The following UHRF2 variants were observed in gnomAD, a reference collection of about 807,000 sequenced individuals.
UHRF2 encodes E3 ubiquitin-protein ligase UHRF2.
A neutral mutation model predicts 96.8 loss-of-function variants in UHRF2; 23 were observed. The observed-to-expected ratio is 0.24, with a 90% CI of 0.17 to 0.34. The LOEUF (loss-of-function observed/expected upper bound fraction) is 0.34. UHRF2 is among the 10% of genes least tolerant of loss of function. The pLI is 1.00. For missense variants in UHRF2, 685 were observed against 981.5 expected, an observed-to-expected ratio of 0.70 and a Z score of 4.04; for synonymous variants, 385 against 332.6, an observed-to-expected ratio of 1.16 and a Z score of -1.72.
chr9:6,489,269 A>G (rs1407915938), intron 9 of UHRF2, among the ~76,000 whole-genome samples: 2 of 152,228 alleles, frequency 1.3e-5, no homozygotes, highest in African/African-American at 4.8e-5. Flanking sequence ...GATGAGTACT[A>G]GTCCATGGTG....
At chr9:6,453,318 G>A (rs1374328426) in intron 3 of UHRF2, among the ~76,000 whole-genome samples, 1 of 152,176 alleles carries the variant, frequency 6.6e-6, no homozygotes, top group Non-Finnish European at 1.5e-5. Context: ...GTTAATGGAG[G>A]TGGTTCTTTT....
intron 4 of UHRF2, 134 bp from the exon 5 acceptor site, chr9:6,475,257 A>T (rs957941162): frequency 1.5e-5 from 7 of 459,566 alleles, no homozygotes; most frequent in Non-Finnish European, 2.3e-5. Context: ...ATAGTTCAGA[A>T]TGATTGGAAT....
chr9:6,494,012 C>T (rs1360597994), intron 10 of UHRF2, 80 bp downstream of exon 10: 4 of 1,250,838 alleles, frequency 3.2e-6, no homozygotes, highest in Non-Finnish European at 4.4e-6. Flanking sequence ...ACTTACGTTG[C>T]AGAGGAGAAT....
chr9:6,483,333 A>G (rs1824043738), intron 8 of UHRF2, among the ~76,000 whole-genome samples: 1 of 151,794 alleles, frequency 6.6e-6, no homozygotes, highest in Non-Finnish European at 1.5e-5. Flanking sequence ...TCAAAAAAAA[A>G]AAAAAAAAAA....
chr9:6,504,491 AATT>A (rs1816481543), intron 14 of UHRF2, 99 bp from the exon 15 acceptor site: 2 of 672,906 alleles, frequency 3.0e-6, no homozygotes, highest in Admixed American at 5.8e-5. Flanking sequence ...GGAACATTTG[AATT>A]ATTCTCTACT....
intron 3 of UHRF2, among the ~76,000 whole-genome samples, chr9:6,457,695 T>A (rs1822265262): frequency 6.6e-6 from 1 of 152,196 alleles, no homozygotes; most frequent in Admixed American, 6.5e-5. Flanking sequence ...AAACCTAGTT[T>A]ATTGAGAGTT....
At chr9:6,481,279 C>A (rs571238143) in intron 6 of UHRF2, among the ~76,000 whole-genome samples, 1 of 152,112 alleles carries the variant, frequency 6.6e-6, no homozygotes, top group East Asian at 1.9e-4. Flanking sequence ...GTATCTGTTA[C>A]ACAGTTGAAT....
At chr9:6,470,724 A>T (rs1823195192) in intron 4 of UHRF2, among the ~76,000 whole-genome samples, 1 of 152,202 alleles carries the variant, frequency 6.6e-6, no homozygotes, top group African/African-American at 2.4e-5. Context: ...GAAGTAGTGA[A>T]AGTAAAATTT....
chr9:6,505,371 C>T (rs1334871830), intron 15 of UHRF2, among the ~76,000 whole-genome samples: 3 of 152,090 alleles, frequency 2.0e-5, no homozygotes, highest in Non-Finnish European at 4.4e-5. Context: ...TCTGGGCTCA[C>T]TGTAACCTCT....
At chr9:6,417,388 A>G (rs571851317) in intron 1 of UHRF2, among the ~76,000 whole-genome samples, 18 of 152,288 alleles carry the variant, frequency 1.2e-4, no homozygotes, top group South Asian at 1.0e-3. Flanking sequence ...CCTAAGTTAC[A>G]TGCTTCTGAC....
At chr9:6,487,184 T>TTATTTTTTATTTTTTTTA (rs1411249759) in intron 9 of UHRF2, among the ~76,000 whole-genome samples, 1 of 87,462 alleles carries the variant, frequency 1.1e-5, no homozygotes, top group African/African-American at 4.0e-5. Context: ...TTTTTTTCCT[T>TTATTTTTTATTTTTTTTA]TTTTTTTTTT....
chr9:6,455,928 G>A (rs756210992), intron 3 of UHRF2, among the ~76,000 whole-genome samples: 20 of 152,078 alleles, frequency 1.3e-4, no homozygotes, highest in Non-Finnish European at 1.8e-4. Context: ...AGGCTGCAGC[G>A]GGCATGATCA....
Position 6,500,779 on chromosome 9 carries a change from C to G in UHRF2, c.2163+70C>G. 3 of 1,410,886 alleles carry G rather than the reference C, an allele frequency of 2.1e-6. No homozygotes were observed. In the South Asian group the frequency reaches 4.3e-5, roughly 20 times the overall value. 87.4% of individuals were successfully genotyped at this position (1,410,886 alleles called of 1,614,324 possible). A position where few individuals can be genotyped will look rare whatever the true frequency, so the allele number is the denominator to read the frequency against. On this transcript the variant is annotated intron_variant, in intron 14 of 15. Coordinates refer to ENST00000276893, the MANE Select transcript of UHRF2 (RefSeq NM_152896.3). ...ATGATAAATAATTGTCTCATGAAGTCTGTTTTTCACACATCAGTCAAAACT... is the reference window on the plus strand; with the variant it reads ...ATGATAAATAATTGTCTCATGAAGTGTGTTTTTCACACATCAGTCAAAACT...
At chr9:6,425,174 G>A (rs1187251198) in intron 2 of UHRF2, among the ~76,000 whole-genome samples, 1 of 152,146 alleles carries the variant, frequency 6.6e-6, no homozygotes, top group Non-Finnish European at 1.5e-5. Context: ...TGAGGGCAGA[G>A]TATCTACAAA....
chr9:6,437,579 G>A (rs1484002620), intron 3 of UHRF2, among the ~76,000 whole-genome samples: 2 of 151,976 alleles, frequency 1.3e-5, no homozygotes, highest in Admixed American at 6.6e-5. Flanking sequence ...GATAGAATGT[G>A]GTTGTCATAT....
At chr9:6,424,776 A>T (rs1587768257) in intron 2 of UHRF2, among the ~76,000 whole-genome samples, 10 of 135,086 alleles carry the variant, frequency 7.4e-5, no homozygotes, top group South Asian at 2.4e-4. Flanking sequence ...ATTTCTCAGG[A>T]TTTTTTTTTT....
At chr9:6,462,577 T>G (rs1400042770) in intron 4 of UHRF2, among the ~76,000 whole-genome samples, 1 of 152,156 alleles carries the variant, frequency 6.6e-6, no homozygotes. Flanking sequence ...GTGTACACAG[T>G]AGGATAACAG....
At chr9:6,485,420 T>A (rs1824206972) in intron 8 of UHRF2, among the ~76,000 whole-genome samples, 1 of 151,978 alleles carries the variant, frequency 6.6e-6, no homozygotes, top group Non-Finnish European at 1.5e-5. Context: ...CCTGAGCATC[T>A]AGTGAGATGG....
intron 1 of UHRF2, 167 bp downstream of exon 1, chr9:6,413,810 G>A: frequency 1.2e-6 from 1 of 848,602 alleles, no homozygotes; most frequent in South Asian, 2.9e-5. Context: ...CAGTCCCGCC[G>A]AATGGTGGGG....
Sources: allele counts gnomAD v4.1 joint callset (sites outside exome capture counted in the v4.1 genomes callset), GRCh38; gene constraint gnomAD v4.1.1; transcripts MANE v1.5; gene names NCBI Gene and HGNC (gene_info 2026-07-23, HGNC 2026-07-21).